Variants in CRYBA4 observed in about 807,000 individuals in gnomAD.
CRYBA4 encodes the protein crystallin beta A4.
A neutral mutation model predicts 31.7 loss-of-function variants in CRYBA4; 30 were observed. That is an observed-to-expected ratio of 0.95 (90% CI 0.71 to 1.28). The LOEUF (loss-of-function observed/expected upper bound fraction) is 1.28, where lower values mean the gene tolerates loss of function less well. Among genes scored for constraint, CRYBA4 ranks in the 50% most tolerant of loss-of-function variants. The pLI is 0.00. For missense variants in CRYBA4, 225 were observed against 260.7 expected, an observed-to-expected ratio of 0.86 and a Z score of 0.94; for synonymous variants, 102 against 102.3, an observed-to-expected ratio of 1.00 and a Z score of 0.02.
chr22:26,601,241 G>A, the CRYBA4 span, among the ~76,000 whole-genome samples: 1 of 152,120 alleles, frequency 6.6e-6, no homozygotes, highest in East Asian at 1.9e-4. Context: ...GCAGGGGGAT[G>A]GATAAAGTGA....
the CRYBA4 span, among the ~76,000 whole-genome samples, chr22:26,601,273 A>G: frequency 3.3e-5 from 5 of 152,222 alleles, no homozygotes; most frequent in South Asian, 1.0e-3. Context: ...TGGCCCTTCC[A>G]TGTATTCTCA....
At chr22:26,606,306 C>T in the CRYBA4 span, among the ~76,000 whole-genome samples, 9 of 152,222 alleles carry the variant, frequency 5.9e-5, no homozygotes, top group African/African-American at 2.2e-4. Context: ...AACAAATATA[C>T]CTAAAATATT....
chr22:26,615,310 C>T, the CRYBA4 span, among the ~76,000 whole-genome samples: 1 of 152,118 alleles, frequency 6.6e-6, no homozygotes, highest in Non-Finnish European at 1.5e-5. Context: ...ATCCTGCTGC[C>T]CCAGTGAGCC....
intron 4 of CRYBA4, among the ~76,000 whole-genome samples, chr22:26,627,520 CTTTCTCTT>C (rs1929783384): frequency 3.7e-5 from 3 of 80,202 alleles, no homozygotes; most frequent in African/African-American, 8.8e-5. Flanking sequence ...TTCTTTCTTT[CTTTCTCTT>C]TCTTTCCTTT....
rs1432923099 is a variant in CRYBA4, at chr22:26,622,591, G to T, written c.-6G>T. On this transcript the variant is annotated 5_prime_UTR_variant, in exon 2 of 6. Transcript: ENST00000354760. ...ATGTTCTTCTCTTCTGCAGGAAGGG[G>T]CCACAATGACCCTGCAATGCACAAA... 6.2e-7 allele frequency: 1 copy of T among 1,606,104 alleles called. No individual in the cohort carries two copies. Among genetic ancestry groups the T allele is most frequent in the Admixed American group, 1.7e-5 (1 of 59,794 alleles).
chr22:26,617,624 C>T (rs1929399024), upstream of CRYBA4, among the ~76,000 whole-genome samples: 1 of 152,100 alleles, frequency 6.6e-6, no homozygotes, highest in African/African-American at 2.4e-5. Context: ...CCTCTCTTCC[C>T]TGTCTTTGCC....
the CRYBA4 span, among the ~76,000 whole-genome samples, chr22:26,616,861 T>A: frequency 1.3e-5 from 2 of 152,226 alleles, no homozygotes; most frequent in Admixed American, 1.3e-4. Context: ...AAACAGCTAC[T>A]AAGTGGTAGG....
At chr22:26,607,693 T>TA in the CRYBA4 span, among the ~76,000 whole-genome samples, 1 of 152,158 alleles carries the variant, frequency 6.6e-6, no homozygotes, top group Non-Finnish European at 1.5e-5. Flanking sequence ...CCAGGGTTCC[T>TA]AGCTGGGTAT....
At chr22:26,625,443 G>A (rs771650483) in intron 3 of CRYBA4, 38 bp from the exon 4 acceptor site, 23 of 1,610,854 alleles carry the variant, frequency 1.4e-5, no homozygotes, top group Non-Finnish European at 1.9e-5. Context: ...GGGTGAGGGG[G>A]ACGCTTACCT....
chr22:26,622,273 G>A (rs565920567), intron 1 of CRYBA4, among the ~76,000 whole-genome samples: 5 of 152,124 alleles, frequency 3.3e-5, no homozygotes, highest in South Asian at 4.1e-4. Context: ...TTCAGCACTC[G>A]CTGGGGTGAT....
At chr22:26,612,280 A>G in the CRYBA4 span, 86 of 827,780 alleles carry the variant, frequency 1.0e-4, no homozygotes, top group Admixed American at 1.9e-4. Context: ...CCAGCAGTGC[A>G]GGAGTCACAT....
At chr22:26,601,937 T>TG in the CRYBA4 span, 1 of 1,613,186 alleles carries the variant, frequency 6.2e-7, no homozygotes. Context: ...ACCCAGAGAC[T>TG]GGGTGCGTCG....
At chr22:26,591,466 CA>C in the CRYBA4 span, among the ~76,000 whole-genome samples, 426 of 112,288 alleles carry the variant, frequency 3.8e-3, 1 homozygote, top group African/African-American at 0.011. Flanking sequence ...GACTCTGTCT[CA>C]AAAAAAAAAA....
the CRYBA4 span, among the ~76,000 whole-genome samples, chr22:26,607,019 CTTTTT>C: frequency 8.9e-6 from 1 of 111,962 alleles, no homozygotes. Context: ...TATCCCTCTC[CTTTTT>C]TTTTTTTTTT....
chr22:26,615,726 C>G, the CRYBA4 span, among the ~76,000 whole-genome samples: 1 of 152,142 alleles, frequency 6.6e-6, no homozygotes, highest in African/African-American at 2.4e-5. Flanking sequence ...GTTGGCCAGG[C>G]TGGTCTCGAA....
In CRYBA4 at chr22:26,625,481, G is replaced by T; in HGVS notation, c.159G>T (p.Ala53=). The change falls in exon 4 of 6, where the codon GCG becomes GCT. Residue 53 remains alanine, a splice_region_variant and synonymous_variant. Coordinates refer to ENST00000354760, the MANE Select transcript of CRYBA4 (RefSeq NM_001886.3). ...TVRSLKVLSG[A]WVGFEHAGFQ... is the part of the protein sequence containing the mutation. ...TGCACACTCTACCCTCTGTCTGCAGGTGGGTGGGCTTTGAGCATGCTGGCT... is the reference window on the plus strand; with the variant it reads ...TGCACACTCTACCCTCTGTCTGCAGTTGGGTGGGCTTTGAGCATGCTGGCT... 6.2e-7 allele frequency: 1 copy of T among 1,613,904 alleles called. No homozygotes were observed. The highest frequency in any genetic ancestry group is 1.1e-5 in the South Asian group (1 of 91,080).
chr22:26,619,990 C>CT (rs1239504143), upstream of CRYBA4, among the ~76,000 whole-genome samples: 3 of 143,414 alleles, frequency 2.1e-5, no homozygotes, highest in East Asian at 6.7e-4. Flanking sequence ...ATTTTCTTTT[C>CT]TTTTTTTCTT....
chr22:26,620,084 A>G (rs1241370561), upstream of CRYBA4, among the ~76,000 whole-genome samples: 1 of 151,596 alleles, frequency 6.6e-6, no homozygotes, highest in Non-Finnish European at 1.5e-5. Flanking sequence ...GGATAAGGAA[A>G]CTGAAGCAAC....
the CRYBA4 span, chr22:26,599,465 C>T: frequency 6.3e-7 from 1 of 1,592,946 alleles, no homozygotes; most frequent in Non-Finnish European, 8.6e-7. Flanking sequence ...AGGGTTGGGG[C>T]AAGGTAGCAG....
Sources: allele counts gnomAD v4.1 joint callset (sites outside exome capture counted in the v4.1 genomes callset), GRCh38; gene constraint gnomAD v4.1.1; transcripts MANE v1.5; gene names NCBI Gene and HGNC (gene_info 2026-07-23, HGNC 2026-07-21).